Variants in RALA observed in about 807,000 individuals in gnomAD.
RALA encodes RAS like proto-oncogene A.
Under a neutral mutation model 24.0 loss-of-function variants are expected in RALA, and 5 were observed. The observed-to-expected ratio is 0.21, with a 90% CI of 0.11 to 0.44. The LOEUF (loss-of-function observed/expected upper bound fraction) is 0.44. RALA is among the 20% of genes least tolerant of loss of function. RALA has a pLI of 0.99. For missense variants in RALA, 95 were observed against 241.2 expected, an observed-to-expected ratio of 0.39 and a Z score of 4.01; for synonymous variants, 77 against 83.8, an observed-to-expected ratio of 0.92 and a Z score of 0.44.
At chr7:39,634,560 G>A (rs1791653642) in intron 1 of RALA, among the ~76,000 whole-genome samples, 1 of 152,120 alleles carries the variant, frequency 6.6e-6, no homozygotes, top group African/African-American at 2.4e-5. Context: ...TCCATCCCCA[G>A]AAGTCTTAGG....
intron 1 of RALA, among the ~76,000 whole-genome samples, chr7:39,686,057 C>A (rs149739757): frequency 8.4e-4 from 128 of 152,112 alleles, no homozygotes; most frequent in African/African-American, 2.4e-3. Context: ...AATGCAAAAG[C>A]TAGCCAAGCA....
At chr7:39,642,230 A>G (rs1002533310) in intron 1 of RALA, among the ~76,000 whole-genome samples, 3 of 152,234 alleles carry the variant, frequency 2.0e-5, no homozygotes, top group Non-Finnish European at 2.9e-5. Context: ...GCTCTGGTTT[A>G]TATAGCATCT....
At position 39,634,784 on chromosome 7, in the gene RALA, TATTTGTTGCC is replaced by T. The variant is rs1791658454; in HGVS notation, c.-38+10969_-38+10978del. Among the ~76,000 whole-genome samples, 5 of 152,378 alleles carry T rather than the reference TATTTGTTGCC, an allele frequency of 3.3e-5. No homozygotes were observed. In the South Asian group the frequency reaches 1.0e-3, roughly 32 times the overall value. ...AAATAAAACTTGATCATTTTGTTGC[TATTTGTTGCC>T]ATTTGTTGCTATGCTTATTTATTTT... On this transcript the variant is annotated intron_variant, in intron 1 of 4. Coordinates refer to ENST00000005257, the MANE Select transcript of RALA (RefSeq NM_005402.4).
At chr7:39,674,479 AT>A (rs1792444536) in intron 1 of RALA, among the ~76,000 whole-genome samples, 2 of 152,090 alleles carry the variant, frequency 1.3e-5, no homozygotes, top group Non-Finnish European at 2.9e-5. Flanking sequence ...ATCTGTTAAC[AT>A]TTTTCACTTA....
intron 3 of RALA, among the ~76,000 whole-genome samples, chr7:39,696,276 A>G (rs564384009): frequency 2.0e-5 from 3 of 152,336 alleles, no homozygotes; most frequent in Admixed American, 1.3e-4. Flanking sequence ...CCCAAGAACC[A>G]ATAACCCTAC....
At chr7:39,640,590 T>C (rs947639876) in intron 1 of RALA, among the ~76,000 whole-genome samples, 1 of 152,226 alleles carries the variant, frequency 6.6e-6, no homozygotes, top group African/African-American at 2.4e-5. Flanking sequence ...GAGTGCTATG[T>C]TTTTTTGTAA....
chr7:39,697,654 T>C (rs1792946088), intron 4 of RALA: 1 of 273,960 alleles, frequency 3.7e-6, no homozygotes, highest in Admixed American at 4.0e-5. Flanking sequence ...GTCTTACCCC[T>C]AGAGATTTGG....
At chr7:39,690,743 C>G (rs1456984281) in intron 3 of RALA, among the ~76,000 whole-genome samples, 153 bp downstream of exon 3, 1 of 152,218 alleles carries the variant, frequency 6.6e-6, no homozygotes, top group African/African-American at 2.4e-5. Context: ...ATGACTCTCT[C>G]TACTGTGTTA....
chr7:39,699,232 C>A (rs907640973), intron 4 of RALA, among the ~76,000 whole-genome samples: 4 of 143,758 alleles, frequency 2.8e-5, no homozygotes, highest in Admixed American at 2.2e-4. Flanking sequence ...GCTCTGCTTC[C>A]CGGGTTCACG....
chr7:39,656,260 C>T (rs995552226), intron 1 of RALA, among the ~76,000 whole-genome samples: 1 of 152,156 alleles, frequency 6.6e-6, no homozygotes, highest in African/African-American at 2.4e-5. Flanking sequence ...AGATTGACAA[C>T]TCTATTTAGG....
At chr7:39,674,819 CTT>C (rs11452061) in intron 1 of RALA, among the ~76,000 whole-genome samples, 116 of 96,664 alleles carry the variant, frequency 1.2e-3, no homozygotes, top group African/African-American at 4.5e-3. Context: ...TAATTTTATG[CTT>C]TTTTTTTTTT....
chr7:39,683,286 A>C (rs1222762396), intron 1 of RALA, among the ~76,000 whole-genome samples: 1 of 151,198 alleles, frequency 6.6e-6, no homozygotes, highest in African/African-American at 2.4e-5. Context: ...CATGCTCCCC[A>C]CTCCCACCCT....
rs565794860 is a variant in RALA, at chr7:39,673,842, G to A, written c.-37-12789G>A. Among the ~76,000 whole-genome samples, 327 of 152,026 alleles carry A rather than the reference G, an allele frequency of 2.2e-3. 2 individuals are homozygous for A. The highest frequency in any genetic ancestry group is 3.1e-3 in the South Asian group (15 of 4,804). On this transcript the variant is annotated intron_variant, in intron 1 of 4. Transcript: ENST00000005257. The stretch of plus-strand genomic sequence containing the variant: ...CATTAAAAATGATTTTTAAGAGACA[G>A]GGTCTCCCTTAAGAGGGTTGGCCAG...
chr7:39,666,958 A>AT (rs1042186890), intron 1 of RALA, among the ~76,000 whole-genome samples: 2 of 152,174 alleles, frequency 1.3e-5, no homozygotes, highest in African/African-American at 4.8e-5. Flanking sequence ...GAAAAAAAAC[A>AT]TTTTTGGGGA....
At chr7:39,661,914 A>T (rs1043691919) in intron 1 of RALA, among the ~76,000 whole-genome samples, 2 of 46,724 alleles carry the variant, frequency 4.3e-5, no homozygotes, top group African/African-American at 1.0e-4. Context: ...CTGGACATCC[A>T]GGCGTTTCTA....
chr7:39,658,527 C>T (rs1050285209), intron 1 of RALA, among the ~76,000 whole-genome samples: 5 of 151,942 alleles, frequency 3.3e-5, no homozygotes, highest in African/African-American at 1.2e-4. Flanking sequence ...TATAAATATA[C>T]ACAGTGATGA....
At chr7:39,639,268 CAAGT>C (rs1046609694) in intron 1 of RALA, among the ~76,000 whole-genome samples, 2 of 152,176 alleles carry the variant, frequency 1.3e-5, no homozygotes, top group Non-Finnish European at 2.9e-5. Flanking sequence ...TTGATACAAA[CAAGT>C]AAGACTATTA....
At chr7:39,636,226 A>G (rs1791682122) in intron 1 of RALA, among the ~76,000 whole-genome samples, 1 of 152,178 alleles carries the variant, frequency 6.6e-6, no homozygotes, top group Admixed American at 6.6e-5. Flanking sequence ...GTATATACCT[A>G]GGAGTGGAAG....
chr7:39,697,835 C>T lies in RALA; in HGVS notation c.498+976C>T, dbSNP rs79146653. Among the ~76,000 whole-genome samples the T allele has an allele frequency of 8.6e-3, 1,312 of 152,136 alleles. 17 individuals are homozygous for T. Among genetic ancestry groups the T allele is most frequent in the African/African-American group, 0.03 (1,243 of 41,500 alleles). ...ACAGTGTCGTTGCTGTCTTAAGCTT[C>T]TTAACTTTTTAAGACATTGTCAGAT... On this transcript the variant is annotated intron_variant, in intron 4 of 4. Coordinates refer to ENST00000005257, the MANE Select transcript of RALA (RefSeq NM_005402.4).
Sources: gnomAD v4.1 joint callset for allele counts (sites outside exome capture counted in the v4.1 genomes callset) on GRCh38, gnomAD v4.1.1 for gene constraint, MANE v1.5 for transcripts, NCBI Gene and HGNC (gene_info 2026-07-23, HGNC 2026-07-21) for gene names.